Variants in ELMOD1 observed in about 807,000 individuals in gnomAD.
ELMOD1 encodes the protein ELMO domain containing 1.
Under a neutral mutation model 46.7 loss-of-function variants are expected in ELMOD1, and 21 were observed. The ratio of observed to expected loss-of-function variants is 0.45; its 90% confidence interval spans 0.32 to 0.65. The LOEUF is 0.65. Among genes scored for constraint, ELMOD1 ranks in the 30% least tolerant of loss-of-function variants. The pLI, the probability that ELMOD1 is intolerant of heterozygous loss-of-function variation, is 0.04. For synonymous variants in ELMOD1, 122 were observed against 138.2 expected, an observed-to-expected ratio of 0.88 and a Z score of 0.82; for missense variants, 348 against 407.8, an observed-to-expected ratio of 0.85 and a Z score of 1.26.
At chr11:107,600,189 C>T (rs1231217993) in intron 1 of ELMOD1, among the ~76,000 whole-genome samples, 1 of 152,058 alleles carries the variant, frequency 6.6e-6, no homozygotes, top group Non-Finnish European at 1.5e-5. Flanking sequence ...AAGCAAATCC[C>T]AGATACCATA....
intron 9 of ELMOD1, among the ~76,000 whole-genome samples, chr11:107,651,516 A>C (rs1866525768): frequency 6.6e-6 from 1 of 152,108 alleles, no homozygotes; most frequent in South Asian, 2.1e-4. Context: ...TATTTTACTC[A>C]TTCTAGCTTC....
intron 1 of ELMOD1, among the ~76,000 whole-genome samples, chr11:107,616,606 T>C (rs571344110): frequency 6.6e-6 from 1 of 152,308 alleles, no homozygotes; most frequent in East Asian, 1.9e-4. Context: ...CTTGAACGCC[T>C]GACCTCAAGT....
At chr11:107,660,625 C>T (rs911052900) in intron 11 of ELMOD1, among the ~76,000 whole-genome samples, 12 of 152,340 alleles carry the variant, frequency 7.9e-5, no homozygotes, top group African/African-American at 2.2e-4. Context: ...TTCAGGCCCT[C>T]GTTTCCAGCT....
At chr11:107,657,746 A>G (rs767674474) in intron 11 of ELMOD1, among the ~76,000 whole-genome samples, 5 of 152,246 alleles carry the variant, frequency 3.3e-5, no homozygotes, top group Non-Finnish European at 7.3e-5. Flanking sequence ...GTAATCCTAA[A>G]GGAATAAATG....
chr11:107,645,960 T>C (rs1866420542), intron 6 of ELMOD1, among the ~76,000 whole-genome samples: 1 of 152,240 alleles, frequency 6.6e-6, no homozygotes, highest in Non-Finnish European at 1.5e-5. Flanking sequence ...CAAGGTATTT[T>C]GTGTATTACT....
intron 10 of ELMOD1, among the ~76,000 whole-genome samples, chr11:107,654,768 CAAAAA>C (rs945140722): frequency 4.5e-5 from 3 of 66,910 alleles, no homozygotes; most frequent in Admixed American, 1.6e-4. Context: ...GACTCCGTCT[CAAAAA>C]AAAAAAAAAA....
chr11:107,621,715 T>TCTCATGTTTGTGTCACATC (rs374327501), intron 2 of ELMOD1, among the ~76,000 whole-genome samples: 1 of 152,102 alleles, frequency 6.6e-6, no homozygotes, highest in South Asian at 2.1e-4. Flanking sequence ...CACTGTGAGG[T>TCTCATGTTTGTGTCACATC]ATTGTAGGTG....
chr11:107,634,829 A>G (rs1302147626), intron 5 of ELMOD1, among the ~76,000 whole-genome samples: 1 of 152,222 alleles, frequency 6.6e-6, no homozygotes, highest in Non-Finnish European at 1.5e-5. Flanking sequence ...TCTTTTCCCT[A>G]GAGATTAGAA....
chr11:107,637,126 G>A (rs181191106), intron 6 of ELMOD1, among the ~76,000 whole-genome samples: 2 of 152,274 alleles, frequency 1.3e-5, no homozygotes, highest in African/African-American at 2.4e-5. Flanking sequence ...GCTACATCTC[G>A]AGAACTTGTA....
At chr11:107,629,975 C>T (rs1024850039) in intron 2 of ELMOD1, among the ~76,000 whole-genome samples, 15 of 152,008 alleles carry the variant, frequency 9.9e-5, no homozygotes, top group African/African-American at 3.4e-4. Flanking sequence ...GTGAGGAGGA[C>T]ACTAGGGAGG....
chr11:107,621,381 T>C (rs1272868735), intron 2 of ELMOD1, among the ~76,000 whole-genome samples: 1 of 152,226 alleles, frequency 6.6e-6, no homozygotes, highest in Admixed American at 6.5e-5. Flanking sequence ...TTTTCTAGTA[T>C]GATTAGGTAA....
intron 4 of ELMOD1, 129 bp downstream of exon 4, chr11:107,630,857 A>G (rs989827201): frequency 3.3e-6 from 3 of 915,146 alleles, no homozygotes; most frequent in Admixed American, 2.6e-5. Context: ...AGAAGAAATA[A>G]TCATTTGCCC....
chr11:107,650,873 G>C lies in ELMOD1; in HGVS notation c.624-12G>C. On this transcript the variant is annotated splice_polypyrimidine_tract_variant and intron_variant, in intron 8 of 11. Transcript: ENST00000265840. ...ATTTACTTTTCTAATTTTTTTCTTT[G>C]ATTACATGAAGGGATATCACTAAAG... 9.2e-7 allele frequency: 1 copy of C among 1,087,130 alleles called. No individual in the cohort carries two copies. The highest frequency in any genetic ancestry group is 1.3e-6 in the Non-Finnish European group (1 of 798,676). 67.3% of individuals were successfully genotyped at this position (1,087,130 alleles called of 1,614,324 possible).
intron 11 of ELMOD1, among the ~76,000 whole-genome samples, chr11:107,662,822 G>A (rs921639993): frequency 1.3e-5 from 2 of 151,896 alleles, no homozygotes; most frequent in East Asian, 2.0e-4. Context: ...AACCTGGGAG[G>A]TGGAGGCTGC....
chr11:107,596,350 C>T (rs1865492667), intron 1 of ELMOD1, among the ~76,000 whole-genome samples: 1 of 151,994 alleles, frequency 6.6e-6, no homozygotes, highest in South Asian at 2.1e-4. Context: ...TTTACTTTAC[C>T]AGTTGGCATT....
Position 107,650,327 on chromosome 11 carries a change from C to G in ELMOD1, c.555-8C>G, listed in dbSNP as rs372554853. On this transcript the variant is annotated splice_polypyrimidine_tract_variant and splice_region_variant and intron_variant, in intron 7 of 11. Transcript: ENST00000265840. ...TAGAGTTACGGTTTTCTTTCCCTCC[C>G]GCTGCAGGTATTTCGCGGAAAGGGA... The G allele has an allele frequency of 1.3e-5, 20 of 1,567,658 alleles. No homozygotes were observed. Among genetic ancestry groups the G allele is most frequent in the South Asian group, 8.2e-5 (7 of 85,026 alleles).
intron 1 of ELMOD1, among the ~76,000 whole-genome samples, chr11:107,604,777 ACGCC>A (rs775941027): frequency 2.4e-4 from 36 of 152,318 alleles, no homozygotes; most frequent in Non-Finnish European, 2.9e-4. Context: ...ATTGTTGCAG[ACGCC>A]CAGTCTAAAT....
At chr11:107,603,705 C>T (rs185804558) in intron 1 of ELMOD1, among the ~76,000 whole-genome samples, 5 of 152,022 alleles carry the variant, frequency 3.3e-5, no homozygotes, top group East Asian at 1.9e-4. Context: ...GGCCAAAACC[C>T]GTCTCTACTA....
At chr11:107,629,300 AG>A (rs200245358) in intron 2 of ELMOD1, among the ~76,000 whole-genome samples, 2,853 of 152,328 alleles carry the variant, frequency 0.019, 34 homozygotes, top group Non-Finnish European at 0.029. Flanking sequence ...AGTATATCTG[AG>A]TGACCATGCA....
Sources: gnomAD v4.1 joint callset for allele counts (sites outside exome capture counted in the v4.1 genomes callset) on GRCh38, gnomAD v4.1.1 for gene constraint, MANE v1.5 for transcripts, NCBI Gene and HGNC (gene_info 2026-07-23, HGNC 2026-07-21) for gene names.